Variants in KIAA0825 observed in about 807,000 individuals in gnomAD.
KIAA0825 encodes uncharacterized protein KIAA0825.
Under a neutral mutation model 147.6 loss-of-function variants are expected in KIAA0825, and 119 were observed. That is an observed-to-expected ratio of 0.81 (90% CI 0.69 to 0.94). The LOEUF (loss-of-function observed/expected upper bound fraction) is 0.94. Ranked by LOEUF, KIAA0825 falls within the 40% of genes least tolerant of loss-of-function variation. KIAA0825 has a pLI of 0.00. For missense variants in KIAA0825, 1,381 were observed against 1,472.7 expected, an observed-to-expected ratio of 0.94 and a Z score of 1.02; for synonymous variants, 470 against 518.1, an observed-to-expected ratio of 0.91 and a Z score of 1.26.
intron 20 of KIAA0825, among the ~76,000 whole-genome samples, chr5:94,209,360 A>G (rs1772494739): frequency 6.6e-6 from 1 of 152,210 alleles, no homozygotes; most frequent in Non-Finnish European, 1.5e-5. Context: ...TGTTCAGAAA[A>G]TGAACCATGC....
At chr5:94,394,872 A>G (rs1750426230) in intron 17 of KIAA0825, among the ~76,000 whole-genome samples, 1 of 152,078 alleles carries the variant, frequency 6.6e-6, no homozygotes, top group African/African-American at 2.4e-5. Context: ...CCCATGGGAC[A>G]CTCCAGAAGT....
At chr5:94,284,249 C>A (rs1364911428) in intron 20 of KIAA0825, among the ~76,000 whole-genome samples, 1 of 152,126 alleles carries the variant, frequency 6.6e-6, no homozygotes, top group African/African-American at 2.4e-5. Context: ...ATTATAACTG[C>A]TTTTTCTTTA....
chr5:94,226,881 A>C (rs1021640572), intron 20 of KIAA0825, among the ~76,000 whole-genome samples: 10 of 152,172 alleles, frequency 6.6e-5, no homozygotes, highest in Admixed American at 5.2e-4. Context: ...GGCAATCATT[A>C]AAAAGTCAGG....
At chr5:94,583,099 G>A (rs919079945) in intron 1 of KIAA0825, among the ~76,000 whole-genome samples, 21 of 152,298 alleles carry the variant, frequency 1.4e-4, no homozygotes, top group African/African-American at 4.8e-4. Flanking sequence ...AGCTCCCAGC[G>A]AGATCGACGC....
intron 18 of KIAA0825, among the ~76,000 whole-genome samples, chr5:94,387,566 G>C (rs189663893): frequency 1.1e-3 from 172 of 152,128 alleles, no homozygotes; most frequent in African/African-American, 4.0e-3. Context: ...GTGGTGGTGG[G>C]CACCTGTAAT....
At chr5:94,573,031 C>A (rs1447812268) in intron 2 of KIAA0825, among the ~76,000 whole-genome samples, 1 of 135,090 alleles carries the variant, frequency 7.4e-6, no homozygotes, top group Non-Finnish European at 1.5e-5. Context: ...CGCTTGGTTT[C>A]ATATATTTTA....
chr5:94,274,612 C>A (rs193166743), intron 20 of KIAA0825, among the ~76,000 whole-genome samples: 56 of 152,184 alleles, frequency 3.7e-4, no homozygotes, highest in African/African-American at 1.3e-3. Flanking sequence ...ATACTACAGC[C>A]AGAAATTGGT....
chr5:94,548,045 A>G (rs1182663611), intron 2 of KIAA0825, among the ~76,000 whole-genome samples: 1 of 152,278 alleles, frequency 6.6e-6, no homozygotes, highest in Non-Finnish European at 1.5e-5. Context: ...AAAGAAAAAG[A>G]TGTTAATGAG....
chr5:94,213,098 G>C (rs1041234068), intron 20 of KIAA0825, among the ~76,000 whole-genome samples: 10 of 152,142 alleles, frequency 6.6e-5, no homozygotes, highest in Middle Eastern at 3.4e-3. Context: ...TAAGTAACTT[G>C]ACCAAAGACT....
intron 20 of KIAA0825, among the ~76,000 whole-genome samples, chr5:94,291,753 GT>G (rs1429161245): frequency 1.3e-5 from 2 of 152,170 alleles, no homozygotes; most frequent in Non-Finnish European, 2.9e-5. Flanking sequence ...AGCATGGAAT[GT>G]TTTTCCATTT....
chr5:94,526,168 C>T (rs568510495), intron 3 of KIAA0825, among the ~76,000 whole-genome samples: 1 of 151,972 alleles, frequency 6.6e-6, no homozygotes, highest in Non-Finnish European at 1.5e-5. Context: ...TGTAATCTGA[C>T]AATTTATCTT....
intron 3 of KIAA0825, among the ~76,000 whole-genome samples, chr5:94,527,571 A>C (rs932266638): frequency 1.3e-5 from 2 of 152,038 alleles, no homozygotes; most frequent in Non-Finnish European, 2.9e-5. Context: ...TATTTATTAC[A>C]GTATGGAAAA....
intron 11 of KIAA0825, among the ~76,000 whole-genome samples, chr5:94,463,187 T>G (rs1157585655): frequency 6.6e-6 from 1 of 151,636 alleles, no homozygotes; most frequent in Non-Finnish European, 1.5e-5. Context: ...TTTCTCAAGT[T>G]TTAATAGGGA....
chr5:94,353,794 G>A (rs1343639048), intron 20 of KIAA0825, among the ~76,000 whole-genome samples: 1 of 152,066 alleles, frequency 6.6e-6, no homozygotes, highest in African/African-American at 2.4e-5. Flanking sequence ...AAAGGGTCGG[G>A]GGCAGGGACA....
chr5:94,422,571 A>G (rs562036055), intron 14 of KIAA0825, among the ~76,000 whole-genome samples: 2 of 152,086 alleles, frequency 1.3e-5, no homozygotes, highest in Non-Finnish European at 2.9e-5. Flanking sequence ...GAACCTTGCA[A>G]TGGGTGAGGA....
intron 14 of KIAA0825, among the ~76,000 whole-genome samples, chr5:94,426,048 T>TATTATTATC (rs1363612947): frequency 6.7e-6 from 1 of 150,310 alleles, no homozygotes; most frequent in African/African-American, 2.4e-5. Flanking sequence ...TTATTATTAT[T>TATTATTATC]ATTATAGAGA....
intron 20 of KIAA0825, among the ~76,000 whole-genome samples, chr5:94,342,869 G>T (rs2150336247): frequency 6.6e-6 from 1 of 152,160 alleles, no homozygotes; most frequent in Admixed American, 6.5e-5. Context: ...TTGAGTAGAT[G>T]TCAAAAAATG....
chr5:94,376,146 A>C (rs1747532048), intron 20 of KIAA0825, among the ~76,000 whole-genome samples: 1 of 152,190 alleles, frequency 6.6e-6, no homozygotes, highest in Non-Finnish European at 1.5e-5. Context: ...AAATCACCTA[A>C]ATTATGCCAG....
At chr5:94,181,216 G>A (rs1422245993) in intron 20 of KIAA0825, among the ~76,000 whole-genome samples, 1 of 152,152 alleles carries the variant, frequency 6.6e-6, no homozygotes, top group Non-Finnish European at 1.5e-5. Context: ...TTTGCATTGT[G>A]AGCATTATAT....
Sources: gnomAD v4.1 joint callset for allele counts (sites outside exome capture counted in the v4.1 genomes callset) on GRCh38, gnomAD v4.1.1 for gene constraint, MANE v1.5 for transcripts, NCBI Gene and HGNC (gene_info 2026-07-23, HGNC 2026-07-21) for gene names.